CCDC13: variants seen among roughly 807,000 people sequenced by gnomAD.
CCDC13 encodes the protein coiled-coil domain containing 13.
Under a neutral mutation model 87.3 loss-of-function variants are expected in CCDC13, and 70 were observed. The observed-to-expected ratio is 0.80, with a 90% CI of 0.66 to 0.98. CCDC13 has a LOEUF of 0.98. Among genes scored for constraint, CCDC13 ranks in the 50% least tolerant of loss-of-function variants. The probability of loss-of-function intolerance (pLI) is 0.00; values close to 1 mark genes in which losing one functional copy is unlikely to be tolerated. For missense variants in CCDC13, 842 were observed against 892.0 expected (o/e 0.94, Z 0.71); for synonymous variants, 317 against 360.3 (o/e 0.88, Z 1.36).
intron 13 of CCDC13, among the ~76,000 whole-genome samples, chr3:42,724,032 A>C (rs554643762): frequency 6.6e-6 from 1 of 152,340 alleles, no homozygotes; most frequent in East Asian, 1.9e-4. Flanking sequence ...ACAAAAAGGA[A>C]TATGTGGCAG....
intron 13 of CCDC13, 27 bp from the exon 14 acceptor site, chr3:42,713,343 A>T (rs1559636070): frequency 6.2e-7 from 1 of 1,610,996 alleles, no homozygotes; most frequent in Non-Finnish European, 8.5e-7. Context: ...AGGGGATGCT[A>T]CATGCCCTGG....
At chr3:42,733,291 C>T (rs6773675) in intron 11 of CCDC13, among the ~76,000 whole-genome samples, 179 bp downstream of exon 11, 2,817 of 152,314 alleles carry the variant, frequency 0.018, 75 homozygotes, top group African/African-American at 0.064. Flanking sequence ...TGGGCCTAAC[C>T]GGCTCATTTC....
At chr3:42,754,301 T>C (rs1330858419) in intron 3 of CCDC13, among the ~76,000 whole-genome samples, 1 of 152,082 alleles carries the variant, frequency 6.6e-6, no homozygotes, top group Admixed American at 6.5e-5. Context: ...TGGAATCTCA[T>C]GTCTGCTGAA....
chr3:42,771,878 A>C (rs1700123107), intron 1 of CCDC13, among the ~76,000 whole-genome samples: 2 of 152,248 alleles, frequency 1.3e-5, no homozygotes, highest in Admixed American at 6.5e-5. Context: ...TGCAATGTGT[A>C]AGATGTTAAC....
intron 3 of CCDC13, among the ~76,000 whole-genome samples, chr3:42,754,685 A>G (rs1047462133): frequency 7.2e-5 from 11 of 152,214 alleles, no homozygotes; most frequent in Non-Finnish European, 1.6e-4. Context: ...ACCTAGAATT[A>G]CAAATGGTCC....
chr3:42,768,971 C>T (rs1386045243), intron 1 of CCDC13, among the ~76,000 whole-genome samples: 1 of 151,818 alleles, frequency 6.6e-6, no homozygotes, highest in Non-Finnish European at 1.5e-5. Flanking sequence ...AACCCTGTGT[C>T]GACTAAAAAT....
rs1446224278 is a variant in CCDC13 at position 42,706,351 on chromosome 3, A to T, written c.*2629T>A. On this transcript the variant is annotated 3_prime_UTR_variant, in exon 16 of 16. Transcript: ENST00000310232. ...GGTTGAACAAATGGAGGGAACACTA[A>T]GAGCGAATAATTATTAAGCGCTTAC... is the stretch of plus-strand genomic sequence containing the variant. 6.6e-6 allele frequency: 1 copy of T among 152,398 alleles called. No individual in the cohort carries two copies. Among genetic ancestry groups the T allele is most frequent in the East Asian group, 1.9e-4 (1 of 5,180 alleles). 9.4% of individuals were successfully genotyped at this position (152,398 alleles called of 1,614,324 possible). A position where few individuals can be genotyped will look rare whatever the true frequency, so the allele number is the denominator to read the frequency against.
At chr3:42,761,409 A>C (rs1699829978) in intron 1 of CCDC13, among the ~76,000 whole-genome samples, 1 of 152,090 alleles carries the variant, frequency 6.6e-6, no homozygotes, top group Non-Finnish European at 1.5e-5. Flanking sequence ...CTCGCTCCCC[A>C]TGCCCTTGCC....
intron 1 of CCDC13, among the ~76,000 whole-genome samples, chr3:42,761,378 A>G (rs1406433713): frequency 6.6e-6 from 1 of 151,848 alleles, no homozygotes; most frequent in Non-Finnish European, 1.5e-5. Flanking sequence ...CTCATATCCT[A>G]TTGTAGAAGG....
Position 42,758,337 on chromosome 3 carries a change from T to G in CCDC13, c.9A>C (p.Ala3=). 6.2e-7 allele frequency: 1 copy of G among 1,612,446 alleles called. No homozygotes were observed. The highest frequency in any genetic ancestry group is 2.2e-5 in the East Asian group (1 of 44,892). The part of the protein sequence containing the change: MA[A]DESSQNTLRL... ...GCAAAGTGTTCTGTGAGCTTTCATC[T>G]GCTGCCATCCTGCCCTAGGCATCAG... Residue 3 remains alanine (A), a synonymous_variant, in exon 2 of 16, where the codon GCA becomes GCC. Transcript: ENST00000310232.
chr3:42,755,297 C>T (rs1038720827), intron 3 of CCDC13, among the ~76,000 whole-genome samples: 4 of 152,198 alleles, frequency 2.6e-5, no homozygotes, highest in Non-Finnish European at 5.9e-5. Flanking sequence ...TAGCCTGTCA[C>T]TTGCAGCTCA....
At chr3:42,709,206 GC>G in intron 15 of CCDC13, 67 bp from the exon 16 acceptor site, 1 of 1,498,604 alleles carries the variant, frequency 6.7e-7, no homozygotes, top group South Asian at 1.3e-5. Flanking sequence ...GTGACAGAGG[GC>G]CCTGGGAATG....
rs1249230135 is a variant in CCDC13 at position 42,707,545 on chromosome 3, C to G, written c.*1435G>C. On this transcript the variant is annotated 3_prime_UTR_variant, in exon 16 of 16. Coordinates refer to ENST00000310232, the MANE Select transcript of CCDC13 (RefSeq NM_144719.4). The stretch of plus-strand genomic sequence containing the variant: ...GTCCCAGGAGCCGCAGTGGCTTTTC[C>G]AAGGAAGGAGCTGACAAGATGCTCG... Among the ~76,000 whole-genome samples, 1 of 152,196 alleles carries G rather than the reference C, an allele frequency of 6.6e-6. No individual in the cohort carries two copies. Among genetic ancestry groups the G allele is most frequent in the African/African-American group, 2.4e-5 (1 of 41,444 alleles).
intron 13 of CCDC13, among the ~76,000 whole-genome samples, chr3:42,721,572 T>TA (rs1262722036): frequency 3.3e-5 from 5 of 152,222 alleles, no homozygotes; most frequent in African/African-American, 1.2e-4. Flanking sequence ...AACAATTGAG[T>TA]AAAGCATACT....
intron 1 of CCDC13, among the ~76,000 whole-genome samples, chr3:42,761,267 T>C (rs894285622): frequency 6.6e-6 from 1 of 152,198 alleles, no homozygotes; most frequent in African/African-American, 2.4e-5. Context: ...CATAACCACC[T>C]TGGGGTATCT....
rs71072728 is a variant in CCDC13 at position 42,719,382 on chromosome 3, CCTCTCTCTCTCTCTCT to C, written c.1719-6082_1719-6067del. On this transcript the variant is annotated intron_variant, in intron 13 of 15. Transcript: ENST00000310232. ...CCCACTCTGCCTCAGGCAGTGCTTT[CCTCTCTCTCTCTCTCT>C]CTCTCTCTCTCTCTCTCTCTCTCTC... 113 of 52,410 alleles carry C rather than the reference CCTCTCTCTCTCTCTCT, an allele frequency of 2.2e-3. 1 individual carries two copies. Among genetic ancestry groups the C allele is most frequent in the African/African-American group, 6.6e-3 (104 of 15,766 alleles). 3.2% of individuals were successfully genotyped at this position (52,410 alleles called of 1,614,324 possible).
At position 42,752,636 on chromosome 3, in the gene CCDC13, G is replaced by T; in HGVS notation, c.452C>A (p.Ser151Ter). The T allele has an allele frequency of 6.2e-7, 1 of 1,614,192 alleles. No individual in the cohort carries two copies. The highest frequency in any genetic ancestry group is 8.5e-7 in the Non-Finnish European group (1 of 1,180,040). Reference sequence around the variant, plus strand: ...CTTCACCCTGGTTTTTGCACCCTCTGATTCTGCCATCAACAGCCGGTTCTT... The same window carrying T: ...CTTCACCCTGGTTTTTGCACCCTCTTATTCTGCCATCAACAGCCGGTTCTT... ...SKKNRLLMAE[S>*]EGAKTRVKQL... Residue 151 changes from serine to a stop codon, truncating the protein, a stop_gained, in exon 4 of 16, where the codon TCA (serine) becomes TAA (stop). Transcript: ENST00000310232. LOFTEE classifies it high-confidence loss of function.
At chr3:42,748,554 C>T (rs1438209372) in intron 5 of CCDC13, among the ~76,000 whole-genome samples, 1 of 152,208 alleles carries the variant, frequency 6.6e-6, no homozygotes, top group Non-Finnish European at 1.5e-5. Context: ...CCTCTGAATG[C>T]TAGTGTGAAA....
intron 13 of CCDC13, among the ~76,000 whole-genome samples, chr3:42,721,097 T>C (rs1226054980): frequency 1.3e-5 from 2 of 152,236 alleles, no homozygotes; most frequent in Non-Finnish European, 2.9e-5. Flanking sequence ...TATAAATGTG[T>C]TACTGGTATA....
Sources: allele counts gnomAD v4.1 joint callset (sites outside exome capture counted in the v4.1 genomes callset), GRCh38; gene constraint gnomAD v4.1.1; transcripts MANE v1.5; gene names NCBI Gene and HGNC (gene_info 2026-07-23, HGNC 2026-07-21).